PLEKHA6: variants seen among roughly 807,000 people sequenced by gnomAD.
PLEKHA6 encodes the protein pleckstrin homology domain-containing family A member 6.
A neutral mutation model predicts 116.7 loss-of-function variants in PLEKHA6; 60 were observed. That is an observed-to-expected ratio of 0.51 (90% confidence interval 0.42 to 0.64). PLEKHA6 has a LOEUF of 0.64. PLEKHA6 is among the 30% of genes least tolerant of loss of function. The pLI is 0.00. For missense variants in PLEKHA6, 1,338 were observed against 1,422.7 expected, an observed-to-expected ratio of 0.94 and a Z score of 0.96; for synonymous variants, 489 against 556.1, an observed-to-expected ratio of 0.88 and a Z score of 1.70.
intron 1 of PLEKHA6, among the ~76,000 whole-genome samples, chr1:204,337,181 T>A (rs74345162): frequency 0.017 from 2,530 of 152,238 alleles, 64 homozygotes; most frequent in African/African-American, 0.055. Flanking sequence ...GAGTTGGAGA[T>A]GAAACTGAGT....
At chr1:204,256,854 G>A in intron 9 of PLEKHA6, 1 of 669,004 alleles carries the variant, frequency 1.5e-6, no homozygotes, top group South Asian at 1.6e-5. Flanking sequence ...GAACAGTCCT[G>A]CAGGGACTGG....
chr1:204,264,653 T>C (rs1214473766), intron 6 of PLEKHA6, among the ~76,000 whole-genome samples: 2 of 152,110 alleles, frequency 1.3e-5, no homozygotes, highest in Non-Finnish European at 1.5e-5. Flanking sequence ...CAGTAACAAT[T>C]GTGGTGCTGC....
intron 15 of PLEKHA6, among the ~76,000 whole-genome samples, chr1:204,244,626 A>T (rs541075824): frequency 6.6e-6 from 1 of 152,372 alleles, no homozygotes; most frequent in South Asian, 2.1e-4. Flanking sequence ...GGTGCCCAGG[A>T]ACAGGCTTCA....
chr1:204,265,607 C>T (rs1666702269), intron 5 of PLEKHA6, among the ~76,000 whole-genome samples: 1 of 152,198 alleles, frequency 6.6e-6, no homozygotes, highest in African/African-American at 2.4e-5. Flanking sequence ...CTAAATGAGA[C>T]CATCCCAGCA....
intron 1 of PLEKHA6, among the ~76,000 whole-genome samples, chr1:204,283,261 C>G (rs559319487): frequency 6.8e-6 from 1 of 147,476 alleles, no homozygotes; most frequent in African/African-American, 2.5e-5. Flanking sequence ...CTCTCTCCTT[C>G]CCCATCCTCA....
intron 1 of PLEKHA6, among the ~76,000 whole-genome samples, chr1:204,312,052 G>T (rs572126044): frequency 6.6e-6 from 1 of 152,316 alleles, no homozygotes; most frequent in African/African-American, 2.4e-5. Context: ...TCTGGAGGTG[G>T]GTGGTGGTAT....
intron 1 of PLEKHA6, among the ~76,000 whole-genome samples, chr1:204,321,761 A>C (rs920571499): frequency 1.3e-5 from 2 of 152,232 alleles, no homozygotes; most frequent in Non-Finnish European, 2.9e-5. Context: ...GACCATGTCA[A>C]ATGCATCTTT....
At chr1:204,233,233 G>A (rs1003186826) in intron 17 of PLEKHA6, among the ~76,000 whole-genome samples, 1 of 141,168 alleles carries the variant, frequency 7.1e-6, no homozygotes, top group African/African-American at 2.6e-5. Context: ...AAAGTGCAGT[G>A]GCATGACCAC....
At chr1:204,292,886 G>A (rs1380965434) in intron 1 of PLEKHA6, among the ~76,000 whole-genome samples, 1 of 110,694 alleles carries the variant, frequency 9.0e-6, no homozygotes, top group Non-Finnish European at 1.8e-5. Context: ...TCTGGAGGTT[G>A]TGGAAGCAGC....
intron 1 of PLEKHA6, among the ~76,000 whole-genome samples, chr1:204,318,999 T>C (rs1671961932): frequency 6.6e-6 from 1 of 152,180 alleles, no homozygotes; most frequent in East Asian, 1.9e-4. Flanking sequence ...GTTCCTGTGG[T>C]CCCTAGCTCT....
At position 204,308,789 on chromosome 1, in the gene PLEKHA6, C is replaced by T. The variant is rs1421156283; in HGVS notation, c.-94-33980G>A. Among the ~76,000 whole-genome samples, 3 of 147,852 alleles carry T rather than the reference C, an allele frequency of 2.0e-5. No individual in the cohort carries two copies. In the East Asian group the frequency reaches 6.0e-4, roughly 30 times the overall value. On this transcript the variant is annotated intron_variant, in intron 1 of 22. Coordinates refer to ENST00000272203, the MANE Select transcript of PLEKHA6 (RefSeq NM_014935.5). ...CTGCAAGCTCCGCCTCCCGGGTTCACGCCATTCTCCTCCCTCAGCCTCCCG... is the reference window on the plus strand; with the variant it reads ...CTGCAAGCTCCGCCTCCCGGGTTCATGCCATTCTCCTCCCTCAGCCTCCCG...
chr1:204,291,568 T>C (rs1669757437), intron 1 of PLEKHA6, among the ~76,000 whole-genome samples: 1 of 152,206 alleles, frequency 6.6e-6, no homozygotes, highest in African/African-American at 2.4e-5. Flanking sequence ...GTTACATGCA[T>C]ACAACAGAGT....
chr1:204,276,498 G>T (rs1323036460), intron 1 of PLEKHA6, among the ~76,000 whole-genome samples: 1 of 152,084 alleles, frequency 6.6e-6, no homozygotes, highest in African/African-American at 2.4e-5. Flanking sequence ...GGCAACTACG[G>T]TGTCCTTTGA....
chr1:204,230,832 A>G (rs891538162), intron 17 of PLEKHA6, among the ~76,000 whole-genome samples: 3 of 152,184 alleles, frequency 2.0e-5, no homozygotes, highest in Admixed American at 6.5e-5. Context: ...AGAGACAGAA[A>G]AGAAGATGAC....
intron 5 of PLEKHA6, among the ~76,000 whole-genome samples, chr1:204,266,486 T>A (rs886178667): frequency 6.6e-6 from 1 of 152,136 alleles, no homozygotes; most frequent in Non-Finnish European, 1.5e-5. Flanking sequence ...TGGCCCCGTA[T>A]CCTGGAGGTT....
chr1:204,347,280 G>A, intron 1 of PLEKHA6: 1 of 921,450 alleles, frequency 1.1e-6, no homozygotes, highest in South Asian at 1.3e-5. Context: ...ACTGGAAGAT[G>A]GCAGTTATGG....
At chr1:204,367,946 A>G (rs112043458) in intron 2 of PLEKHA6, 1 of 152,254 alleles carries the variant, frequency 6.6e-6, no homozygotes, top group African/African-American at 2.4e-5. Flanking sequence ...CTTAGGAGGG[A>G]TGGGTGCCTG....
intron 1 of PLEKHA6, among the ~76,000 whole-genome samples, chr1:204,318,018 A>T (rs968411376): frequency 6.6e-6 from 1 of 152,232 alleles, no homozygotes; most frequent in Non-Finnish European, 1.5e-5. Flanking sequence ...TTATACACAC[A>T]TGAGTGCATG....
rs977986481 is a variant in PLEKHA6 at position 204,228,502 on chromosome 1, A to G, written c.2885+226T>C. ...AGAAGTCACCAGAGGGCGAGCCTTCAGTTTTGTCTCGATGGTGTGGTGTGC... is the reference window on the plus strand; with the variant it reads ...AGAAGTCACCAGAGGGCGAGCCTTCGGTTTTGTCTCGATGGTGTGGTGTGC... On this transcript the variant is annotated intron_variant, in intron 20 of 22. Transcript: ENST00000272203. This position sits in a 1 kb window ranked among gnomAD's most constrained non-coding sequence, Gnocchi z 4.0. Among the ~76,000 whole-genome samples, 12 of 151,982 alleles carry G rather than the reference A, an allele frequency of 7.9e-5. No individual in the cohort carries two copies. The highest frequency in any genetic ancestry group is 2.9e-4 in the African/African-American group (12 of 41,364).
Sources: allele counts gnomAD v4.1 joint callset (sites outside exome capture counted in the v4.1 genomes callset), GRCh38; gene constraint gnomAD v4.1.1; non-coding constraint Gnocchi (gnomAD v3.1); transcripts MANE v1.5; gene names NCBI Gene and HGNC (gene_info 2026-07-23, HGNC 2026-07-21).